The following NPTN variants were observed in gnomAD, a reference collection of about 807,000 sequenced individuals.
The protein encoded by NPTN is SDR-1.
In NPTN, 5 loss-of-function variants were observed where a neutral mutation model predicts 42.7. That is an observed-to-expected ratio of 0.12 (90% CI 0.06 to 0.25). The LOEUF is 0.25. Among genes scored for constraint, NPTN ranks in the 10% least tolerant of loss-of-function variants. The pLI, the probability that NPTN is intolerant of heterozygous loss-of-function variation, is 1.00. For synonymous variants in NPTN, 180 were observed against 201.9 expected, an observed-to-expected ratio of 0.89 and a Z score of 0.92; for missense variants, 307 against 525.4, an observed-to-expected ratio of 0.58 and a Z score of 4.06.
At chr15:73,562,991 A>AG (rs1398867185) in intron 7 of NPTN, among the ~76,000 whole-genome samples, 1 of 149,276 alleles carries the variant, frequency 6.7e-6, no homozygotes, top group East Asian at 2.0e-4. Context: ...CAAAATTTGA[A>AG]AAAAAAAAAA....
intron 1 of NPTN, among the ~76,000 whole-genome samples, chr15:73,613,326 C>T (rs1249110650): frequency 6.6e-6 from 1 of 152,084 alleles, no homozygotes; most frequent in Non-Finnish European, 1.5e-5. Flanking sequence ...AATCTTCCAC[C>T]TTATTCTTCT....
chr15:73,628,465 C>T (rs1898547120), intron 1 of NPTN, among the ~76,000 whole-genome samples: 1 of 152,176 alleles, frequency 6.6e-6, no homozygotes, highest in Non-Finnish European at 1.5e-5. Context: ...TCCAAAACTA[C>T]TCTGCATAAT....
At chr15:73,572,195 C>A (rs1306786028) in intron 5 of NPTN, among the ~76,000 whole-genome samples, 1 of 152,170 alleles carries the variant, frequency 6.6e-6, no homozygotes, top group African/African-American at 2.4e-5. Context: ...TTTAAAAAAA[C>A]TAGATACAAC....
chr15:73,593,551 TCTCCCTCCATGGGAA>T (rs778025439), intron 2 of NPTN, among the ~76,000 whole-genome samples: 2 of 152,090 alleles, frequency 1.3e-5, no homozygotes, highest in Non-Finnish European at 2.9e-5. Flanking sequence ...GAAAGAACTC[TCTCCCTCCATGGGAA>T]CTAAGTTGCT....
Position 73,585,448 on chromosome 15 carries a change from C to T in NPTN, c.706+2076G>A, listed in dbSNP as rs915876194. Among the ~76,000 whole-genome samples the T allele has an allele frequency of 1.1e-4, 17 of 152,308 alleles. No homozygotes were observed. In the East Asian group the frequency reaches 2.7e-3, roughly 24 times the overall value. The stretch of plus-strand genomic sequence containing the variant: ...CTCTAAATGCAAGGCAGTTTTTCTA[C>T]CCCAACCACAATTGGAGGTTAGCTT... On this transcript the variant is annotated intron_variant, in intron 4 of 8. Coordinates refer to ENST00000345330, the MANE Select transcript of NPTN (RefSeq NM_012428.4).
chr15:73,603,266 T>C (rs76055980), intron 1 of NPTN, among the ~76,000 whole-genome samples: 3,064 of 152,322 alleles, frequency 0.02, 52 homozygotes, highest in East Asian at 0.054. Context: ...TATTATTATA[T>C]GTCTCCATAG....
intron 4 of NPTN, among the ~76,000 whole-genome samples, chr15:73,578,056 T>C (rs1408306335): frequency 6.6e-6 from 1 of 152,164 alleles, no homozygotes; most frequent in Non-Finnish European, 1.5e-5. Context: ...AGGATTGTGC[T>C]TGTTATGTAC....
intron 1 of NPTN, among the ~76,000 whole-genome samples, chr15:73,630,341 C>T (rs1898671266): frequency 6.6e-6 from 1 of 152,238 alleles, no homozygotes; most frequent in Admixed American, 6.5e-5. Context: ...TTTGTTTACA[C>T]TCACTCAATT....
At chr15:73,621,218 G>C (rs1898126171) in intron 1 of NPTN, among the ~76,000 whole-genome samples, 1 of 152,110 alleles carries the variant, frequency 6.6e-6, no homozygotes. Flanking sequence ...ACACTACAAA[G>C]ATTACAGAAA....
intron 1 of NPTN, among the ~76,000 whole-genome samples, chr15:73,608,669 G>A (rs1897403723): frequency 6.6e-6 from 1 of 151,058 alleles, no homozygotes; most frequent in Non-Finnish European, 1.5e-5. Flanking sequence ...TGACTGCTCT[G>A]ACTGGTGGCA....
intron 1 of NPTN, among the ~76,000 whole-genome samples, chr15:73,623,903 T>G (rs1266957031): frequency 6.6e-6 from 1 of 152,188 alleles, no homozygotes; most frequent in East Asian, 1.9e-4. Flanking sequence ...TTCCGCTAGT[T>G]TCATTAAAAT....
chr15:73,586,202 C>A (rs1436679616), intron 4 of NPTN, among the ~76,000 whole-genome samples: 1 of 152,198 alleles, frequency 6.6e-6, no homozygotes, highest in South Asian at 2.1e-4. Flanking sequence ...GAATGCTGCA[C>A]GGCCTCAAGT....
At chr15:73,588,176 G>A (rs1896412793) in intron 3 of NPTN, among the ~76,000 whole-genome samples, 1 of 152,104 alleles carries the variant, frequency 6.6e-6, no homozygotes, top group Admixed American at 6.6e-5. Context: ...GGCAGCAGAG[G>A]TTGCAGTGAG....
intron 2 of NPTN, among the ~76,000 whole-genome samples, chr15:73,596,311 C>T (rs909897818): frequency 6.6e-6 from 1 of 152,126 alleles, no homozygotes; most frequent in African/African-American, 2.4e-5. Context: ...GCACATGCCA[C>T]GGTTTTAGAA....
chr15:73,563,550 T>C, intron 6 of NPTN: 13 of 1,221,630 alleles, frequency 1.1e-5, no homozygotes, highest in Non-Finnish European at 1.2e-5. Flanking sequence ...AACATTGTTA[T>C]ACTCATCTTG....
chr15:73,614,504 C>A (rs1897764030), intron 1 of NPTN, among the ~76,000 whole-genome samples: 1 of 152,088 alleles, frequency 6.6e-6, no homozygotes, highest in Non-Finnish European at 1.5e-5. Flanking sequence ...TGAATTAATT[C>A]AAATGCCATA....
chr15:73,604,604 C>A lies in NPTN; in HGVS notation c.92-7235G>T, dbSNP rs543170188. 3.6e-4 allele frequency among the ~76,000 whole-genome samples: 55 copies of A among 152,228 alleles called. No homozygotes were observed. In the Middle Eastern group the frequency reaches 0.017, roughly 47 times the overall value. ...AGTTAAGGGTCTATTAAGATGAGAG[C>A]TCACCTTATAGGGAAATGAGCCATG... On this transcript the variant is annotated intron_variant, in intron 1 of 8. Transcript: ENST00000345330.
Position 73,613,953 on chromosome 15 carries a change from G to A in NPTN, c.92-16584C>T, listed in dbSNP as rs778025728. On this transcript the variant is annotated intron_variant, in intron 1 of 8. Coordinates refer to ENST00000345330, the MANE Select transcript of NPTN (RefSeq NM_012428.4). ...TGCCTGCCTCAGCCTCCCAAAGTGC[G>A]GGGATTACAGGTGTGAGCCACCGTG... Among the ~76,000 whole-genome samples, 9 of 151,902 alleles carry A rather than the reference G, an allele frequency of 5.9e-5. No homozygotes were observed. In the South Asian group the frequency reaches 1.7e-3, roughly 28 times the overall value.
intron 1 of NPTN, among the ~76,000 whole-genome samples, chr15:73,624,808 C>T (rs1198860529): frequency 6.6e-6 from 1 of 152,156 alleles, no homozygotes; most frequent in African/African-American, 2.4e-5. Context: ...GCCCTGCAAA[C>T]TCAAAGGCTC....
Sources: allele counts gnomAD v4.1 joint callset (sites outside exome capture counted in the v4.1 genomes callset), GRCh38; gene constraint gnomAD v4.1.1; transcripts MANE v1.5; gene names NCBI Gene and HGNC (gene_info 2026-07-23, HGNC 2026-07-21).